Variants in APBB2 observed in about 807,000 individuals in gnomAD.
The protein encoded by APBB2 is Fe65-like 1.
APBB2 carries 38 observed loss-of-function variants against 82.5 expected under a neutral mutation model. The observed-to-expected ratio is 0.46, with a 90% CI of 0.36 to 0.60. The LOEUF (loss-of-function observed/expected upper bound fraction) is 0.60, where lower values mean the gene tolerates loss of function less well. Among genes scored for constraint, APBB2 ranks in the 20% least tolerant of loss-of-function variants. The pLI is 0.00. For missense variants in APBB2, 772 were observed against 972.3 expected (o/e 0.79, Z 2.74); for synonymous variants, 341 against 368.2 (o/e 0.93, Z 0.85).
At chr4:41,118,052 A>C (rs9291324) in intron 2 of APBB2, 25,740 of 141,632 alleles carry the variant, frequency 0.18, 2,200 homozygotes, top group African/African-American at 0.23. Flanking sequence ...ACAAAACAAA[A>C]CAAAAAAAAA....
At chr4:40,823,488 A>G (rs1298073823) in intron 16 of APBB2, among the ~76,000 whole-genome samples, 156 bp downstream of exon 16, 1 of 152,190 alleles carries the variant, frequency 6.6e-6, no homozygotes, top group East Asian at 1.9e-4. Flanking sequence ...ACAGATTTAG[A>G]CCCAGACAAA....
intron 1 of APBB2, among the ~76,000 whole-genome samples, chr4:41,184,925 G>GT (rs976640495): frequency 6.6e-6 from 1 of 152,200 alleles, no homozygotes; most frequent in Non-Finnish European, 1.5e-5. Context: ...TCCACCTCCT[G>GT]TTCACAGGAA....
chr4:40,946,254 A>AAAAAAAAACAAAAAAAAC (rs1553875174), intron 6 of APBB2, among the ~76,000 whole-genome samples: 1 of 114,560 alleles, frequency 8.7e-6, no homozygotes, highest in Non-Finnish European at 1.8e-5. Flanking sequence ...AAAAAAAAAA[A>AAAAAAAAACAAAAAAAAC]CATTCCCAAG....
intron 12 of APBB2, among the ~76,000 whole-genome samples, chr4:40,843,139 G>A (rs1756418174): frequency 2.0e-5 from 3 of 152,168 alleles, no homozygotes; most frequent in South Asian, 4.1e-4. Context: ...TGTCACAGCC[G>A]ATTTGCATGC....
At chr4:41,162,121 A>G (rs981920905) in intron 1 of APBB2, among the ~76,000 whole-genome samples, 1 of 152,100 alleles carries the variant, frequency 6.6e-6, no homozygotes, top group African/African-American at 2.4e-5. Context: ...CATAACCACA[A>G]TAGTATTAAC....
chr4:40,934,356 T>C, intron 10 of APBB2, 100 bp downstream of exon 10: 2 of 1,155,210 alleles, frequency 1.7e-6, no homozygotes, highest in Non-Finnish European at 2.6e-6. Flanking sequence ...ACTTATTAAA[T>C]GGCTCTGGGT....
chr4:40,879,821 A>T (rs983552669), intron 12 of APBB2, among the ~76,000 whole-genome samples: 2 of 151,838 alleles, frequency 1.3e-5, no homozygotes, highest in Non-Finnish European at 2.9e-5. Flanking sequence ...CCTCCCGAGT[A>T]GGTGGGATTA....
chr4:41,032,814 T>C (rs1717455398), intron 5 of APBB2, among the ~76,000 whole-genome samples: 3 of 127,622 alleles, frequency 2.4e-5, no homozygotes, highest in South Asian at 6.0e-4. Flanking sequence ...AGACGGAGTT[T>C]CGCTCTGTCG....
intron 2 of APBB2, among the ~76,000 whole-genome samples, chr4:41,132,356 G>T (rs1487157985): frequency 6.6e-6 from 1 of 152,036 alleles, no homozygotes; most frequent in Middle Eastern, 3.2e-3. Context: ...TTTGTCTAAG[G>T]GTTTTAATTA....
intron 2 of APBB2, among the ~76,000 whole-genome samples, chr4:41,133,684 T>C (rs1756726008): frequency 6.6e-6 from 1 of 152,182 alleles, no homozygotes; most frequent in Non-Finnish European, 1.5e-5. Context: ...CAGGTGAGAA[T>C]ACTAGAAAAG....
chr4:41,036,976 GA>G (rs1719444508), intron 4 of APBB2, among the ~76,000 whole-genome samples: 1 of 152,142 alleles, frequency 6.6e-6, no homozygotes, highest in Non-Finnish European at 1.5e-5. Context: ...TGGCTTTTAA[GA>G]ACAATATACA....
chr4:41,094,130 A>G (rs537602711), intron 3 of APBB2, among the ~76,000 whole-genome samples: 24 of 152,322 alleles, frequency 1.6e-4, no homozygotes, highest in Admixed American at 1.4e-3. Flanking sequence ...TAAAAATAAG[A>G]AGAAGAAAAA....
chr4:41,082,679 C>T (rs1738097900), intron 3 of APBB2, among the ~76,000 whole-genome samples: 1 of 151,052 alleles, frequency 6.6e-6, no homozygotes, highest in South Asian at 2.1e-4. Flanking sequence ...CTAAAGAGAT[C>T]CTCTCCAAAG....
At chr4:40,957,776 G>A (rs1792067099) in intron 6 of APBB2, among the ~76,000 whole-genome samples, 2 of 151,918 alleles carry the variant, frequency 1.3e-5, no homozygotes, top group African/African-American at 4.8e-5. Context: ...TAGAGATGGG[G>A]TTTCGCCACG....
At chr4:40,917,256 C>G (rs1464388090) in intron 10 of APBB2, among the ~76,000 whole-genome samples, 1 of 152,162 alleles carries the variant, frequency 6.6e-6, no homozygotes, top group African/African-American at 2.4e-5. Context: ...CTCCAGCTCC[C>G]CAGCTAGCCC....
At position 40,919,067 on chromosome 4, in the gene APBB2, G is replaced by A. The variant is rs1780610793; in HGVS notation, c.1254+15389C>T. Among the ~76,000 whole-genome samples, 4 of 152,152 alleles carry A rather than the reference G, an allele frequency of 2.6e-5. No individual in the cohort carries two copies. In the South Asian group the frequency reaches 6.2e-4, roughly 24 times the overall value. ...ACTGGGCTTTCACCAGGGGTACAAGGAAAGGAAGGCTGGTAAGATAAACTC... is the reference window on the plus strand; with the variant it reads ...ACTGGGCTTTCACCAGGGGTACAAGAAAAGGAAGGCTGGTAAGATAAACTC... On this transcript the variant is annotated intron_variant, in intron 10 of 17. Transcript: ENST00000508593.
chr4:40,926,768 C>T (rs1782714181), intron 10 of APBB2, among the ~76,000 whole-genome samples: 1 of 152,268 alleles, frequency 6.6e-6, no homozygotes, highest in Non-Finnish European at 1.5e-5. Flanking sequence ...GTGACACTTT[C>T]CTGGCCTTTG....
intron 3 of APBB2, among the ~76,000 whole-genome samples, chr4:41,096,891 A>G (rs1410904443): frequency 6.6e-6 from 1 of 152,256 alleles, no homozygotes; most frequent in Non-Finnish European, 1.5e-5. Flanking sequence ...AAGGAAGGAC[A>G]TATCTCATTC....
intron 10 of APBB2, among the ~76,000 whole-genome samples, chr4:40,933,052 C>T (rs529993283): frequency 4.6e-5 from 7 of 152,248 alleles, no homozygotes; most frequent in East Asian, 3.9e-4. Flanking sequence ...TTAGTAGAGA[C>T]GGGGTTTCAC....
Sources: gnomAD v4.1 joint callset for allele counts (sites outside exome capture counted in the v4.1 genomes callset) on GRCh38, gnomAD v4.1.1 for gene constraint, MANE v1.5 for transcripts, NCBI Gene and HGNC (gene_info 2026-07-23, HGNC 2026-07-21) for gene names.